The following NLGN1 variants were observed in gnomAD, a reference collection of about 807,000 sequenced individuals.
NLGN1 encodes neuroligin-1.
In NLGN1, 12 loss-of-function variants were observed where a neutral mutation model predicts 65.5. That is an observed-to-expected ratio of 0.18 (90% CI 0.12 to 0.30). The LOEUF is 0.30. Among genes scored for constraint, NLGN1 ranks in the 10% least tolerant of loss-of-function variants. The probability of loss-of-function intolerance (pLI) is 1.00; values close to 1 mark genes in which losing one functional copy is unlikely to be tolerated. For missense variants in NLGN1, 750 were observed against 1,007.1 expected, an observed-to-expected ratio of 0.74 and a Z score of 3.46; for synonymous variants, 350 against 359.5, an observed-to-expected ratio of 0.97 and a Z score of 0.30.
intron 3 of NLGN1, among the ~76,000 whole-genome samples, chr3:173,709,874 G>A (rs761726606): frequency 1.3e-5 from 2 of 151,160 alleles, no homozygotes; most frequent in African/African-American, 2.4e-5. Flanking sequence ...CCTTAAGGGT[G>A]GAGTGCAGGT....
chr3:173,421,685 A>G (rs922014268), intron 1 of NLGN1, among the ~76,000 whole-genome samples: 1 of 151,422 alleles, frequency 6.6e-6, no homozygotes, highest in Non-Finnish European at 1.5e-5. Context: ...ATGCCGGGAT[A>G]AATTTTGTAT....
intron 4 of NLGN1, among the ~76,000 whole-genome samples, chr3:173,873,254 A>T (rs1281189228): frequency 6.6e-6 from 1 of 151,840 alleles, no homozygotes; most frequent in Non-Finnish European, 1.5e-5. Flanking sequence ...ACATTGGGCT[A>T]ATTTTTGTAT....
intron 2 of NLGN1, among the ~76,000 whole-genome samples, chr3:173,585,902 G>A (rs911309271): frequency 6.6e-6 from 1 of 152,154 alleles, no homozygotes; most frequent in Non-Finnish European, 1.5e-5. Context: ...TTTGCAGAAG[G>A]AAATCAATTT....
At chr3:173,614,541 G>A (rs927355457) in intron 3 of NLGN1, among the ~76,000 whole-genome samples, 3 of 151,970 alleles carry the variant, frequency 2.0e-5, no homozygotes, top group African/African-American at 7.2e-5. Flanking sequence ...AGCAGGCCAG[G>A]CCTCAGTTTG....
At chr3:174,175,918 T>C (rs1729366087) in intron 4 of NLGN1, among the ~76,000 whole-genome samples, 1 of 151,984 alleles carries the variant, frequency 6.6e-6, no homozygotes, top group Non-Finnish European at 1.5e-5. Flanking sequence ...ATCTTCAGGA[T>C]ATTTCTCTCT....
At chr3:173,604,482 G>A (rs979594925) in exon 3 of NLGN1, 5 of 1,158,244 alleles carry the variant, frequency 4.3e-6, no homozygotes, top group Non-Finnish European at 6.1e-6. Context: ...AGCTTTTCTC[G>A]ACAAGCTCCC....
At chr3:173,595,118 C>T (rs1481368866) in intron 2 of NLGN1, among the ~76,000 whole-genome samples, 1 of 152,226 alleles carries the variant, frequency 6.6e-6, no homozygotes, top group Non-Finnish European at 1.5e-5. Flanking sequence ...ATGCAAATTT[C>T]TGCAGCTGGC....
At chr3:173,709,584 T>C (rs1203927723) in intron 3 of NLGN1, among the ~76,000 whole-genome samples, 1 of 151,884 alleles carries the variant, frequency 6.6e-6, no homozygotes, top group Non-Finnish European at 1.5e-5. Flanking sequence ...GGTGGATCAC[T>C]TGAGGTCAGG....
intron 3 of NLGN1, among the ~76,000 whole-genome samples, chr3:173,779,626 C>T (rs939035727): frequency 2.0e-5 from 3 of 152,052 alleles, no homozygotes; most frequent in Admixed American, 6.6e-5. Context: ...AGCATCAAAT[C>T]AACTGAAAGC....
chr3:173,953,337 A>C (rs1164046590), intron 4 of NLGN1, among the ~76,000 whole-genome samples: 1 of 152,192 alleles, frequency 6.6e-6, no homozygotes, highest in Non-Finnish European at 1.5e-5. Context: ...GTTTAAACAA[A>C]AAATAATACT....
downstream of NLGN1, chr3:174,286,775 T>G (rs955572953): frequency 6.6e-6 from 1 of 151,560 alleles, no homozygotes; most frequent in Non-Finnish European, 1.5e-5. Context: ...TCTGACTTGA[T>G]AGAAACAATG....
chr3:174,193,239 A>C (rs1230750526), intron 4 of NLGN1, among the ~76,000 whole-genome samples: 1 of 152,204 alleles, frequency 6.6e-6, no homozygotes, highest in African/African-American at 2.4e-5. Context: ...CTTACTATTG[A>C]GCAGGATAAT....
chr3:173,845,809 C>CT (rs1725668917), intron 4 of NLGN1, among the ~76,000 whole-genome samples: 1 of 151,910 alleles, frequency 6.6e-6, no homozygotes, highest in Non-Finnish European at 1.5e-5. Context: ...TATCTTGACT[C>CT]TTAGATTTTT....
intron 4 of NLGN1, among the ~76,000 whole-genome samples, chr3:174,004,787 A>G (rs980789426): frequency 1.3e-5 from 2 of 152,178 alleles, no homozygotes; most frequent in Non-Finnish European, 2.9e-5. Context: ...AAAATGTTAT[A>G]TAGAGAGAGA....
At chr3:173,570,589 C>T (rs1447756152) in intron 2 of NLGN1, among the ~76,000 whole-genome samples, 1 of 152,048 alleles carries the variant, frequency 6.6e-6, no homozygotes, top group South Asian at 2.1e-4. Flanking sequence ...GAAGCCCTCC[C>T]CCCAATGGGT....
chr3:173,688,843 C>T (rs1010903427), intron 3 of NLGN1, among the ~76,000 whole-genome samples: 2 of 152,158 alleles, frequency 1.3e-5, no homozygotes, highest in Admixed American at 1.3e-4. Context: ...ATACCTCCTC[C>T]AATTTTCTTT....
intron 4 of NLGN1, among the ~76,000 whole-genome samples, chr3:174,020,012 T>C (rs1727413253): frequency 6.6e-6 from 1 of 152,116 alleles, no homozygotes; most frequent in Non-Finnish European, 1.5e-5. Flanking sequence ...TATATTAACT[T>C]TGTGCTCTAA....
Position 173,828,963 on chromosome 3 carries a change from C to G in NLGN1, c.646+21131C>G, listed in dbSNP as rs898932836. 5.9e-5 allele frequency among the ~76,000 whole-genome samples: 9 copies of G among 152,086 alleles called. 1 individual carries two copies. The highest frequency in any genetic ancestry group is 1.3e-4 in the Admixed American group (2 of 15,250). On this transcript the variant is annotated intron_variant, in intron 4 of 6. Transcript: ENST00000457714. ...ATTAATTTGGAAAGGCACTGAAGAACTTTAAGCAATAATGCCATGACCTCA... is the reference window on the plus strand; with the variant it reads ...ATTAATTTGGAAAGGCACTGAAGAAGTTTAAGCAATAATGCCATGACCTCA...
intron 3 of NLGN1, among the ~76,000 whole-genome samples, chr3:173,712,334 T>A (rs1012982197): frequency 9.2e-5 from 14 of 152,164 alleles, no homozygotes; most frequent in African/African-American, 3.4e-4. Context: ...GAAAGGGGAT[T>A]TAAATCCATG....
Sources: allele counts gnomAD v4.1 joint callset (sites outside exome capture counted in the v4.1 genomes callset), GRCh38; gene constraint gnomAD v4.1.1; transcripts MANE v1.5; gene names NCBI Gene and HGNC (gene_info 2026-07-23, HGNC 2026-07-21).